The following MGAT4C variants were observed in gnomAD, a reference collection of about 807,000 sequenced individuals.
The protein encoded by MGAT4C is MGAT4 family member C.
A neutral mutation model predicts 40.1 loss-of-function variants in MGAT4C; 19 were observed. The observed-to-expected ratio is 0.47, with a 90% CI of 0.33 to 0.70. The LOEUF is 0.70. Ranked by LOEUF, MGAT4C falls within the 30% of genes least tolerant of loss-of-function variation. The pLI is 0.02. For missense variants in MGAT4C, 491 were observed against 563.2 expected (o/e 0.87, Z 1.30); for synonymous variants, 181 against 187.1 (o/e 0.97, Z 0.27).
intron 4 of MGAT4C, among the ~76,000 whole-genome samples, chr12:86,310,164 T>G (rs1194143944): frequency 6.6e-6 from 1 of 152,030 alleles, no homozygotes; most frequent in Non-Finnish European, 1.5e-5. Context: ...ATTTTTTTTT[T>G]TTTTGCCTGA....
intron 2 of MGAT4C, among the ~76,000 whole-genome samples, chr12:85,995,200 C>T (rs1225973806): frequency 1.3e-5 from 2 of 152,164 alleles, no homozygotes; most frequent in South Asian, 2.1e-4. Flanking sequence ...TGTCAAGAGG[C>T]GGTTTCCAAA....
At chr12:86,138,574 A>G (rs1882353956) in intron 1 of MGAT4C, among the ~76,000 whole-genome samples, 1 of 147,794 alleles carries the variant, frequency 6.8e-6, no homozygotes, top group East Asian at 1.9e-4. Flanking sequence ...TTCCATAGAT[A>G]TATCATATAT....
chr12:86,240,684 G>A (rs193244788), intron 1 of MGAT4C, among the ~76,000 whole-genome samples: 1 of 152,062 alleles, frequency 6.6e-6, no homozygotes, highest in East Asian at 1.9e-4. Flanking sequence ...TCATTTGAGG[G>A]AAGTTGCATA....
chr12:86,247,190 C>A (rs76813055), intron 1 of MGAT4C, among the ~76,000 whole-genome samples: 2,238 of 152,294 alleles, frequency 0.015, 32 homozygotes, highest in African/African-American at 0.035. Flanking sequence ...TAGGGTTACA[C>A]ACATATTAGT....
At chr12:86,112,409 C>A (rs908160821) in intron 1 of MGAT4C, among the ~76,000 whole-genome samples, 1 of 151,436 alleles carries the variant, frequency 6.6e-6, no homozygotes, top group African/African-American at 2.4e-5. Context: ...TTGGAAAATG[C>A]CATGAGTATC....
At chr12:86,816,532 A>T (rs1952610517) in intron 1 of MGAT4C, among the ~76,000 whole-genome samples, 1 of 151,878 alleles carries the variant, frequency 6.6e-6, no homozygotes, top group Non-Finnish European at 1.5e-5. Context: ...CTTTAATATG[A>T]AGGTTACGTA....
intron 4 of MGAT4C, among the ~76,000 whole-genome samples, chr12:86,290,538 T>C (rs1290788197): frequency 6.6e-6 from 1 of 152,122 alleles, no homozygotes; most frequent in Non-Finnish European, 1.5e-5. Flanking sequence ...ATTAACTTAG[T>C]AGGGGGTGAC....
chr12:86,718,113 C>T (rs527559310), intron 2 of MGAT4C, among the ~76,000 whole-genome samples: 34 of 152,148 alleles, frequency 2.2e-4, no homozygotes, highest in Non-Finnish European at 4.4e-4. Flanking sequence ...GCCTACAATG[C>T]ATAGGCAAGC....
At chr12:86,665,228 G>C (rs558839004) in intron 2 of MGAT4C, among the ~76,000 whole-genome samples, 4 of 152,122 alleles carry the variant, frequency 2.6e-5, no homozygotes, top group Non-Finnish European at 5.9e-5. Flanking sequence ...TTCAGTGGAA[G>C]GCCAGCCCCA....
intron 2 of MGAT4C, among the ~76,000 whole-genome samples, chr12:86,617,232 T>G (rs2136483483): frequency 6.6e-6 from 1 of 152,300 alleles, no homozygotes. Context: ...TTCACGTAAT[T>G]TTTTAGATAG....
chr12:86,234,778 T>G (rs1034187742), intron 1 of MGAT4C, among the ~76,000 whole-genome samples: 4 of 152,230 alleles, frequency 2.6e-5, no homozygotes, highest in East Asian at 1.9e-4. Context: ...ACTACCCCAC[T>G]GCAACTGCTA....
intron 1 of MGAT4C, among the ~76,000 whole-genome samples, chr12:86,184,757 A>C (rs78870164): frequency 2.0e-5 from 3 of 150,690 alleles, no homozygotes; most frequent in East Asian, 1.9e-4. Context: ...AAAAAAAAAA[A>C]AAAAAAACTA....
At chr12:86,591,168 C>A (rs1379255549) in intron 2 of MGAT4C, among the ~76,000 whole-genome samples, 1 of 151,904 alleles carries the variant, frequency 6.6e-6, no homozygotes, top group Non-Finnish European at 1.5e-5. Context: ...ATTTAATAAT[C>A]ATTTACCTAA....
chr12:86,003,255 G>A (rs1452832073), intron 2 of MGAT4C, among the ~76,000 whole-genome samples: 1 of 152,090 alleles, frequency 6.6e-6, no homozygotes, highest in Non-Finnish European at 1.5e-5. Context: ...CATATTGTTT[G>A]TTTCGTAAAA....
In MGAT4C at chr12:85,977,531, G is replaced by A. The variant is rs752559558; in HGVS notation, c.*1758C>T. 6 of 151,292 alleles carry A rather than the reference G, an allele frequency of 4.0e-5. No individual in the cohort carries two copies. The highest frequency in any genetic ancestry group is 1.2e-4 in the African/African-American group (5 of 41,312). 9.4% of individuals were successfully genotyped at this position (151,292 alleles called of 1,614,324 possible). A position where few individuals can be genotyped will look rare whatever the true frequency, so the allele number is the denominator to read the frequency against. On this transcript the variant is annotated 3_prime_UTR_variant, in exon 5 of 5. Coordinates refer to ENST00000611864, the MANE Select transcript of MGAT4C (RefSeq NM_001351288.2). The stretch of plus-strand genomic sequence containing the variant: ...ATTAATATTTAGCCTCTTATGAAAG[G>A]TTCGTTTTTCTTCTAACACTTTAGT...
intron 1 of MGAT4C, among the ~76,000 whole-genome samples, chr12:86,830,112 A>G (rs188183317): frequency 4.0e-5 from 6 of 151,726 alleles, no homozygotes; most frequent in African/African-American, 1.4e-4. Flanking sequence ...TGGGTTGCCT[A>G]TTAATGACTG....
chr12:86,493,177 G>C (rs1463377854), intron 2 of MGAT4C, among the ~76,000 whole-genome samples: 1 of 150,648 alleles, frequency 6.6e-6, no homozygotes, highest in Non-Finnish European at 1.5e-5. Context: ...GGAGAAATAG[G>C]AACACTTTTA....
At chr12:86,146,076 T>C (rs1883473336) in intron 1 of MGAT4C, among the ~76,000 whole-genome samples, 2 of 152,146 alleles carry the variant, frequency 1.3e-5, no homozygotes, top group East Asian at 3.9e-4. Context: ...ATTATCAAAT[T>C]TTAACAGCAA....
At chr12:86,275,944 C>CA (rs748476574) in intron 4 of MGAT4C, among the ~76,000 whole-genome samples, 21,231 of 68,794 alleles carry the variant, frequency 0.31, 5,184 homozygotes, top group Non-Finnish European at 0.4. Context: ...ACTAAAAATC[C>CA]AAAAAAAAAA....
Sources: gnomAD v4.1 joint callset for allele counts (sites outside exome capture counted in the v4.1 genomes callset) on GRCh38, gnomAD v4.1.1 for gene constraint, MANE v1.5 for transcripts, NCBI Gene and HGNC (gene_info 2026-07-23, HGNC 2026-07-21) for gene names.